Variants in ADAMTS19 observed in about 807,000 individuals in gnomAD.
The protein encoded by ADAMTS19 is ADAM metallopeptidase with thrombospondin type 1 motif 19, also known as A disintegrin and metalloproteinase with thrombospondin motifs 19.
In ADAMTS19, 93 loss-of-function variants were observed where a neutral mutation model predicts 153.3. That is an observed-to-expected ratio of 0.61 (90% confidence interval 0.51 to 0.72). The LOEUF (loss-of-function observed/expected upper bound fraction) is 0.72. ADAMTS19 is among the 30% of genes least tolerant of loss of function. ADAMTS19 has a pLI of 0.00. For synonymous variants in ADAMTS19, 600 were observed against 556.6 expected, an observed-to-expected ratio of 1.08 and a Z score of -1.10; for missense variants, 1,482 against 1,552.1, an observed-to-expected ratio of 0.95 and a Z score of 0.76.
At chr5:129,625,790 G>T (rs917351574) in intron 10 of ADAMTS19, among the ~76,000 whole-genome samples, 1 of 152,042 alleles carries the variant, frequency 6.6e-6, no homozygotes, top group Non-Finnish European at 1.5e-5. Context: ...CCATTCTGTA[G>T]GTTGCCTGTT....
At chr5:129,566,844 C>T (rs1211479005) in intron 7 of ADAMTS19, among the ~76,000 whole-genome samples, 1 of 152,100 alleles carries the variant, frequency 6.6e-6, no homozygotes, top group Non-Finnish European at 1.5e-5. Flanking sequence ...ATCTGAACAG[C>T]TTTAATCCCA....
At chr5:129,597,155 A>C (rs1750418817) in intron 8 of ADAMTS19, among the ~76,000 whole-genome samples, 1 of 152,234 alleles carries the variant, frequency 6.6e-6, no homozygotes, top group East Asian at 1.9e-4. Flanking sequence ...ACTATGTCTC[A>C]GGAACAGTTA....
chr5:129,639,772 T>C (rs1474752391), intron 10 of ADAMTS19, among the ~76,000 whole-genome samples: 1 of 152,192 alleles, frequency 6.6e-6, no homozygotes, highest in Non-Finnish European at 1.5e-5. Flanking sequence ...AAAATTCTTC[T>C]TTGAATTTTC....
intron 2 of ADAMTS19, among the ~76,000 whole-genome samples, chr5:129,498,261 T>G (rs1016017127): frequency 3.3e-5 from 5 of 152,072 alleles, no homozygotes; most frequent in Admixed American, 6.6e-5. Flanking sequence ...TTCTTTTAAA[T>G]TAATCTAAGT....
intron 6 of ADAMTS19, among the ~76,000 whole-genome samples, chr5:129,540,392 A>G (rs1054909902): frequency 4.6e-5 from 7 of 152,114 alleles, no homozygotes; most frequent in African/African-American, 1.7e-4. Flanking sequence ...ACAAAAACAC[A>G]AAACATGTTC....
At chr5:129,610,739 G>A (rs376926354) in intron 8 of ADAMTS19, among the ~76,000 whole-genome samples, 20 of 152,060 alleles carry the variant, frequency 1.3e-4, no homozygotes, top group African/African-American at 2.4e-4. Flanking sequence ...GAATAGTGCC[G>A]CAATAAACAT....
chr5:129,583,295 G>A (rs1042035219), intron 7 of ADAMTS19, among the ~76,000 whole-genome samples: 5 of 152,120 alleles, frequency 3.3e-5, no homozygotes, highest in African/African-American at 1.2e-4. Flanking sequence ...AGTCTGATGG[G>A]CTTCCCTTTG....
intron 15 of ADAMTS19, among the ~76,000 whole-genome samples, chr5:129,660,157 G>T (rs1753758710): frequency 6.6e-6 from 1 of 152,098 alleles, no homozygotes; most frequent in Non-Finnish European, 1.5e-5. Flanking sequence ...AAGTGAGACT[G>T]AACATCTTAA....
At chr5:129,534,268 T>C (rs1445483299) in intron 6 of ADAMTS19, among the ~76,000 whole-genome samples, 1 of 152,128 alleles carries the variant, frequency 6.6e-6, no homozygotes, top group African/African-American at 2.4e-5. Flanking sequence ...GCTTTATGAA[T>C]CTGGGTGCTC....
chr5:129,632,119 C>T (rs890962846), intron 10 of ADAMTS19, among the ~76,000 whole-genome samples: 4 of 152,008 alleles, frequency 2.6e-5, no homozygotes, highest in African/African-American at 7.2e-5. Context: ...ATCTGCTGCT[C>T]TAGCTCAAAT....
intron 2 of ADAMTS19, among the ~76,000 whole-genome samples, chr5:129,502,557 G>T (rs912362331): frequency 6.6e-6 from 1 of 152,150 alleles, no homozygotes; most frequent in Non-Finnish European, 1.5e-5. Flanking sequence ...TCTCTTTGGA[G>T]CCCTTTGGCT....
intron 21 of ADAMTS19, among the ~76,000 whole-genome samples, chr5:129,707,873 G>A (rs1365311061): frequency 6.6e-6 from 1 of 152,120 alleles, no homozygotes; most frequent in Non-Finnish European, 1.5e-5. Context: ...CTGAAAACCT[G>A]CTCCTCCCTT....
chr5:129,695,607 C>T (rs2127149938), intron 19 of ADAMTS19, among the ~76,000 whole-genome samples: 1 of 152,306 alleles, frequency 6.6e-6, no homozygotes, highest in South Asian at 2.1e-4. Context: ...CTTGGCATGG[C>T]TGCCAACACA....
chr5:129,625,709 A>G (rs1752003179), intron 10 of ADAMTS19, among the ~76,000 whole-genome samples: 1 of 151,982 alleles, frequency 6.6e-6, no homozygotes, highest in African/African-American at 2.4e-5. Context: ...TTTCTTGTAA[A>G]TTTGTTTAAG....
intron 21 of ADAMTS19, among the ~76,000 whole-genome samples, chr5:129,727,877 G>A (rs1285455836): frequency 6.6e-6 from 1 of 152,130 alleles, no homozygotes; most frequent in Non-Finnish European, 1.5e-5. Flanking sequence ...GTCTTGCATA[G>A]GGCCTGGTAA....
intron 3 of ADAMTS19, among the ~76,000 whole-genome samples, chr5:129,519,244 C>A (rs1332421220): frequency 6.6e-6 from 1 of 152,030 alleles, no homozygotes; most frequent in East Asian, 1.9e-4. Flanking sequence ...TCCCTTCTGG[C>A]CCAGGGGATG....
At chr5:129,463,956 A>C (rs1460016120) in intron 2 of ADAMTS19, among the ~76,000 whole-genome samples, 1 of 152,226 alleles carries the variant, frequency 6.6e-6, no homozygotes, top group Non-Finnish European at 1.5e-5. Flanking sequence ...GACCAGCATG[A>C]TGAATCAAAT....
intron 2 of ADAMTS19, among the ~76,000 whole-genome samples, chr5:129,490,310 G>A (rs551734626): frequency 5.1e-4 from 78 of 152,274 alleles, no homozygotes; most frequent in African/African-American, 1.7e-3. Flanking sequence ...CCATGGCCAA[G>A]TGATCAACTG....
intron 13 of ADAMTS19, among the ~76,000 whole-genome samples, chr5:129,653,432 G>T (rs541261275): frequency 1.3e-5 from 2 of 152,240 alleles, no homozygotes; most frequent in African/African-American, 4.8e-5. Context: ...GCCACTTTCT[G>T]AGCCTAAAAG....
Sources: gnomAD v4.1 joint callset for allele counts (sites outside exome capture counted in the v4.1 genomes callset) on GRCh38, gnomAD v4.1.1 for gene constraint, MANE v1.5 for transcripts, NCBI Gene and HGNC (gene_info 2026-07-23, HGNC 2026-07-21) for gene names.